EYS: variants seen among roughly 807,000 people sequenced by gnomAD.
EYS encodes EGF-like photoreceptor maintenance factor.
A neutral mutation model predicts 282.1 loss-of-function variants in EYS; 250 were observed. That is an observed-to-expected ratio of 0.89 (90% CI 0.80 to 0.98). The LOEUF (loss-of-function observed/expected upper bound fraction) is 0.98, where lower values mean the gene tolerates loss of function less well. EYS is among the 50% of genes least tolerant of loss of function. The probability of loss-of-function intolerance (pLI) is 0.00; values close to 1 mark genes in which losing one functional copy is unlikely to be tolerated. For synonymous variants in EYS, 1,355 were observed against 1,282.9 expected, an observed-to-expected ratio of 1.06 and a Z score of -1.20; for missense variants, 4,016 against 3,709.0, an observed-to-expected ratio of 1.08 and a Z score of -2.15.
intron 12 of EYS, among the ~76,000 whole-genome samples, chr6:65,104,513 A>AT (rs1232735831): frequency 6.6e-6 from 1 of 151,474 alleles, no homozygotes; most frequent in African/African-American, 2.4e-5. Flanking sequence ...AGTTTTTAAA[A>AT]TGTAAGAATT....
At chr6:64,379,781 T>C (rs1448334649) in intron 29 of EYS, 4 of 152,166 alleles carry the variant, frequency 2.6e-5, no homozygotes, top group Non-Finnish European at 5.9e-5. Flanking sequence ...GTGCAATTTA[T>C]ATGCTGAGGA....
At chr6:65,093,091 A>C (rs184066851) in intron 12 of EYS, among the ~76,000 whole-genome samples, 1 of 152,224 alleles carries the variant, frequency 6.6e-6, no homozygotes, top group African/African-American at 2.4e-5. Context: ...TAAAACTATC[A>C]GTTGGTTTCT....
Position 64,644,339 on chromosome 6 carries a change from A to T in EYS, c.3444-18094T>A, listed in dbSNP as rs144495865. Among the ~76,000 whole-genome samples, 414 of 152,180 alleles carry T rather than the reference A, an allele frequency of 2.7e-3. 2 individuals carry two copies. The highest frequency in any genetic ancestry group is 9.7e-3 in the African/African-American group (402 of 41,518). On this transcript the variant is annotated intron_variant, in intron 22 of 42. Coordinates refer to ENST00000503581, the MANE Select transcript of EYS (RefSeq NM_001142800.2). ...GAGTTAATTTTTTTACTTGCAGTTGACAGTATTAAAATGGCATTTTTGTCA... is the reference window on the plus strand; with the variant it reads ...GAGTTAATTTTTTTACTTGCAGTTGTCAGTATTAAAATGGCATTTTTGTCA...
chr6:63,846,480 T>A (rs1432329703), intron 36 of EYS, among the ~76,000 whole-genome samples: 1 of 152,268 alleles, frequency 6.6e-6, no homozygotes, highest in East Asian at 1.9e-4. Context: ...CAAAAAAAGA[T>A]GAGATTCAAA....
At chr6:64,133,278 C>T (rs539544855) in intron 31 of EYS, among the ~76,000 whole-genome samples, 1 of 151,938 alleles carries the variant, frequency 6.6e-6, no homozygotes, top group African/African-American at 2.4e-5. Context: ...TCAGGTGGTA[C>T]AAGAAAGCTT....
At chr6:64,919,045 T>C (rs962516954) in intron 15 of EYS, among the ~76,000 whole-genome samples, 1 of 152,120 alleles carries the variant, frequency 6.6e-6, no homozygotes, top group African/African-American at 2.4e-5. Flanking sequence ...TATAGAATCT[T>C]AGGTACATAT....
chr6:64,829,700 T>C (rs1312352332), intron 19 of EYS, among the ~76,000 whole-genome samples: 10 of 151,984 alleles, frequency 6.6e-5, no homozygotes, highest in Admixed American at 6.6e-4. Flanking sequence ...CACTAAATTA[T>C]AGAATGCGGT....
At chr6:63,855,613 T>C (rs572861525) in intron 36 of EYS, among the ~76,000 whole-genome samples, 61 of 152,332 alleles carry the variant, frequency 4.0e-4, no homozygotes, top group Non-Finnish European at 7.8e-4. Flanking sequence ...TCAGACACCA[T>C]GTACTGCTCT....
chr6:65,209,263 T>A (rs188955937), intron 12 of EYS, among the ~76,000 whole-genome samples: 52 of 151,768 alleles, frequency 3.4e-4, no homozygotes, highest in Admixed American at 2.8e-3. Context: ...TTTTTTTTTT[T>A]AATTTTTACT....
chr6:65,251,047 A>G (rs948926867), intron 12 of EYS, among the ~76,000 whole-genome samples: 1 of 151,120 alleles, frequency 6.6e-6, no homozygotes, highest in African/African-American at 2.4e-5. Flanking sequence ...CAGAAAAAAA[A>G]AAAAAAAACA....
At chr6:64,077,150 A>G (rs1443280318) in intron 32 of EYS, among the ~76,000 whole-genome samples, 1 of 152,008 alleles carries the variant, frequency 6.6e-6, no homozygotes, top group African/African-American at 2.4e-5. Context: ...GTCTTGAGCT[A>G]GCTCTATTGG....
At chr6:65,627,389 C>T (rs1391742410) in intron 2 of EYS, among the ~76,000 whole-genome samples, 1 of 152,156 alleles carries the variant, frequency 6.6e-6, no homozygotes, top group Non-Finnish European at 1.5e-5. Flanking sequence ...CCCTCGCTCG[C>T]TCTCGGTGCC....
intron 26 of EYS, among the ~76,000 whole-genome samples, chr6:64,487,787 T>C (rs930206608): frequency 2.0e-5 from 3 of 151,032 alleles, no homozygotes; most frequent in African/African-American, 7.3e-5. Flanking sequence ...TATTTTTTAA[T>C]TTATATCAAT....
At chr6:64,391,190 G>A (rs1442963669) in intron 28 of EYS, among the ~76,000 whole-genome samples, 1 of 151,886 alleles carries the variant, frequency 6.6e-6, no homozygotes, top group African/African-American at 2.4e-5. Context: ...AACCAAGTTG[G>A]AAAACACTCT....
chr6:64,144,262 C>G (rs1774439176), intron 31 of EYS, among the ~76,000 whole-genome samples: 1 of 152,072 alleles, frequency 6.6e-6, no homozygotes, highest in Admixed American at 6.6e-5. Flanking sequence ...TTTTTTTGTA[C>G]TTTGTTCATG....
At chr6:64,436,330 C>A in intron 27 of EYS, 65 bp from the exon 28 acceptor site, 1 of 789,068 alleles carries the variant, frequency 1.3e-6, no homozygotes, top group Non-Finnish European at 2.1e-6. Context: ...CATATATTTG[C>A]ACTGGACTTT....
chr6:64,435,246 G>C (rs1388207278), intron 28 of EYS, among the ~76,000 whole-genome samples: 1 of 151,924 alleles, frequency 6.6e-6, no homozygotes, highest in Admixed American at 6.6e-5. Context: ...TGAGTATTCT[G>C]GGTGGGGAGT....
chr6:64,388,981 T>A, intron 28 of EYS, 141 bp from the exon 29 acceptor site: 1 of 575,154 alleles, frequency 1.7e-6, no homozygotes, highest in Non-Finnish European at 2.7e-6. Context: ...CAGATTAATC[T>A]GTTATAAATT....
chr6:64,564,850 C>G (rs1189811049), intron 26 of EYS, among the ~76,000 whole-genome samples: 3 of 152,080 alleles, frequency 2.0e-5, no homozygotes. Context: ...ATGTAGATGA[C>G]AGATTGTCGT....
Sources: allele counts gnomAD v4.1 joint callset (sites outside exome capture counted in the v4.1 genomes callset), GRCh38; gene constraint gnomAD v4.1.1; transcripts MANE v1.5; gene names NCBI Gene and HGNC (gene_info 2026-07-23, HGNC 2026-07-21).